Variants in ADCY2 observed in about 807,000 individuals in gnomAD.
The protein encoded by ADCY2 is adenylate cyclase 2, also known as adenylate cyclase type 2.
ADCY2 carries 31 observed loss-of-function variants against 125.2 expected under a neutral mutation model. The observed-to-expected ratio is 0.25, with a 90% CI of 0.19 to 0.33. The LOEUF (loss-of-function observed/expected upper bound fraction) is 0.33, where lower values mean the gene tolerates loss of function less well. Ranked by LOEUF, ADCY2 falls within the 10% of genes least tolerant of loss-of-function variation. The pLI is 1.00. For missense variants in ADCY2, 904 were observed against 1,418.2 expected, an observed-to-expected ratio of 0.64 and a Z score of 5.82; for synonymous variants, 512 against 548.4, an observed-to-expected ratio of 0.93 and a Z score of 0.93.
chr5:7,626,582 C>T (rs966268588), intron 4 of ADCY2, among the ~76,000 whole-genome samples: 4 of 152,116 alleles, frequency 2.6e-5, no homozygotes, highest in Middle Eastern at 3.2e-3. Flanking sequence ...GTCTACTTCT[C>T]GTGAATGCCT....
At chr5:7,636,015 C>T (rs1738489675) in intron 4 of ADCY2, among the ~76,000 whole-genome samples, 6 of 152,150 alleles carry the variant, frequency 3.9e-5, no homozygotes, top group African/African-American at 7.2e-5. Context: ...GTCCCTCTCA[C>T]GGGAAGCTTG....
At chr5:7,744,936 G>A (rs967364615) in intron 15 of ADCY2, among the ~76,000 whole-genome samples, 11 of 152,170 alleles carry the variant, frequency 7.2e-5, no homozygotes, top group African/African-American at 1.2e-4. Flanking sequence ...CTGTAACAAC[G>A]CATTTAGATG....
In ADCY2 at chr5:7,709,424, G is replaced by C. The variant is rs549790985; in HGVS notation, c.1578+37G>C. The C allele has an allele frequency of 3.2e-5, 49 of 1,511,308 alleles. No homozygotes were observed. In the Admixed American group the frequency reaches 1.1e-3, roughly 34 times the overall value. The allele number at this position is 1,511,308 out of a possible 1,614,324, so 93.6% of individuals were successfully genotyped here. A position where few individuals can be genotyped will look rare whatever the true frequency, so the allele number is the denominator to read the frequency against. ...CCTGCCTCCAATGCCTGAGCACTGG[G>C]GGAAAGCTAACTTCCCAAAACCAAA... is the stretch of plus-strand genomic sequence containing the variant. On this transcript the variant is annotated intron_variant, in intron 10 of 24. Coordinates refer to ENST00000338316, the MANE Select transcript of ADCY2 (RefSeq NM_020546.3). This position sits in a 1 kb window ranked among gnomAD's most constrained non-coding sequence, Gnocchi z 4.4.
chr5:7,600,302 G>A (rs1737156376), intron 3 of ADCY2, among the ~76,000 whole-genome samples: 1 of 152,218 alleles, frequency 6.6e-6, no homozygotes, highest in South Asian at 2.1e-4. Flanking sequence ...GGAAGTTTCT[G>A]GGAAGGGTGT....
chr5:7,427,613 A>G (rs1740433970), intron 2 of ADCY2, among the ~76,000 whole-genome samples: 1 of 152,146 alleles, frequency 6.6e-6, no homozygotes, highest in Admixed American at 6.5e-5. Context: ...TTGGGTGGGG[A>G]CACAGCCAAA....
At chr5:7,814,953 C>T (rs945259888) in intron 22 of ADCY2, among the ~76,000 whole-genome samples, 2 of 152,222 alleles carry the variant, frequency 1.3e-5, no homozygotes, top group Non-Finnish European at 2.9e-5. Context: ...TCCCCTCCCC[C>T]CGACCCATGT....
chr5:7,590,872 C>T (rs1274414870), intron 3 of ADCY2, among the ~76,000 whole-genome samples: 1 of 151,978 alleles, frequency 6.6e-6, no homozygotes, highest in African/African-American at 2.4e-5. Context: ...ATAGTCAAGA[C>T]TCTTATTATT....
chr5:7,431,542 C>G (rs1004705143), intron 2 of ADCY2, among the ~76,000 whole-genome samples: 8 of 149,434 alleles, frequency 5.4e-5, no homozygotes, highest in African/African-American at 1.5e-4. Context: ...AAAAAAAAAC[C>G]CTGATAGATA....
intron 2 of ADCY2, among the ~76,000 whole-genome samples, chr5:7,428,853 G>A (rs1408100702): frequency 6.6e-6 from 1 of 152,328 alleles, no homozygotes; most frequent in South Asian, 2.1e-4. Flanking sequence ...GATTGCTCCA[G>A]TTTCCTTTCT....
At chr5:7,757,683 G>T (rs1743056506) in intron 16 of ADCY2, 97 bp downstream of exon 16, 2 of 1,510,412 alleles carry the variant, frequency 1.3e-6, no homozygotes, top group Non-Finnish European at 1.8e-6. Context: ...GTTCAACATG[G>T]TAAGCCCCAC....
At chr5:7,674,344 G>A (rs1408040759) in intron 4 of ADCY2, among the ~76,000 whole-genome samples, 1 of 152,170 alleles carries the variant, frequency 6.6e-6, no homozygotes, top group African/African-American at 2.4e-5. Flanking sequence ...TATCTGCTTT[G>A]AGGCGGGCAG....
At chr5:7,608,870 A>G (rs1737476138) in intron 3 of ADCY2, among the ~76,000 whole-genome samples, 1 of 152,200 alleles carries the variant, frequency 6.6e-6, no homozygotes, top group Non-Finnish European at 1.5e-5. Flanking sequence ...AGCCAGCCAT[A>G]TGGGCCAGGT....
chr5:7,695,178 G>A (rs914420833), intron 5 of ADCY2, among the ~76,000 whole-genome samples: 4 of 152,176 alleles, frequency 2.6e-5, no homozygotes, highest in South Asian at 2.1e-4. Flanking sequence ...TCTCACACTC[G>A]CCTTCCCTAG....
At chr5:7,780,942 G>A (rs1743903541) in intron 18 of ADCY2, among the ~76,000 whole-genome samples, 1 of 152,222 alleles carries the variant, frequency 6.6e-6, no homozygotes, top group South Asian at 2.1e-4. Context: ...CTCAGGCGGA[G>A]GGCCAACGGC....
chr5:7,470,649 TG>T, intron 2 of ADCY2, among the ~76,000 whole-genome samples: 1 of 150,814 alleles, frequency 6.6e-6, no homozygotes, highest in Non-Finnish European at 1.5e-5. Flanking sequence ...TGTGTGTGTG[TG>T]TGTGTGTTTA....
chr5:7,669,620 C>A (rs998083585), intron 4 of ADCY2, among the ~76,000 whole-genome samples: 3 of 152,134 alleles, frequency 2.0e-5, no homozygotes, highest in Admixed American at 1.3e-4. Flanking sequence ...AAAATGTCAG[C>A]GCATTTCATG....
intron 3 of ADCY2, among the ~76,000 whole-genome samples, chr5:7,593,119 C>T (rs1365840619): frequency 6.6e-6 from 1 of 152,082 alleles, no homozygotes; most frequent in Non-Finnish European, 1.5e-5. Context: ...GCCCAGCGCC[C>T]TCTGGGGGAT....
At chr5:7,542,034 T>C (rs968896473) in intron 3 of ADCY2, among the ~76,000 whole-genome samples, 1 of 152,180 alleles carries the variant, frequency 6.6e-6, no homozygotes, top group Non-Finnish European at 1.5e-5. Flanking sequence ...CTGACTCATG[T>C]GATCATCCAC....
chr5:7,454,584 A>G (rs1741601140), intron 2 of ADCY2, among the ~76,000 whole-genome samples: 2 of 152,192 alleles, frequency 1.3e-5, no homozygotes, highest in African/African-American at 4.8e-5. Context: ...AAAGATTTTT[A>G]TAGAAGTATT....
Sources: gnomAD v4.1 joint callset for allele counts (sites outside exome capture counted in the v4.1 genomes callset) on GRCh38, gnomAD v4.1.1 for gene constraint, Gnocchi (gnomAD v3.1) non-coding constraint, MANE v1.5 for transcripts, NCBI Gene and HGNC (gene_info 2026-07-23, HGNC 2026-07-21) for gene names.